Variants in PRAMEF15 observed in about 807,000 individuals in gnomAD.
PRAMEF15 encodes PRAME family member 9/15.
Under a neutral mutation model 35.3 loss-of-function variants are expected in PRAMEF15, and 21 were observed. The ratio of observed to expected loss-of-function variants is 0.59; its 90% CI spans 0.42 to 0.86. PRAMEF15 has a LOEUF of 0.86. PRAMEF15 is among the 40% of genes least tolerant of loss of function. The probability of loss-of-function intolerance (pLI) is 0.00; values close to 1 mark genes in which losing one functional copy is unlikely to be tolerated. For missense variants in PRAMEF15, 360 were observed against 574.1 expected (o/e 0.63, Z 3.81); for synonymous variants, 122 against 223.3 (o/e 0.55, Z 4.05).
At chr1:13,317,802 A>G (rs1395286792) in intron 1 of PRAMEF15, among the ~76,000 whole-genome samples, 203 of 146,392 alleles carry the variant, frequency 1.4e-3, no homozygotes, top group African/African-American at 5.4e-3. Context: ...AGAGAGAGAA[A>G]GAGAGAGAGA....
intron 1 of PRAMEF15, among the ~76,000 whole-genome samples, chr1:13,317,065 G>A (rs1290005957): frequency 9.6e-4 from 145 of 151,286 alleles, no homozygotes; most frequent in African/African-American, 2.7e-3. Flanking sequence ...AAGAAGTCTA[G>A]TCAAATGTAG....
chr1:13,317,418 T>C (rs1347470915), intron 1 of PRAMEF15, among the ~76,000 whole-genome samples: 1 of 151,802 alleles, frequency 6.6e-6, no homozygotes, highest in Non-Finnish European at 1.5e-5. Context: ...TGGAAACATC[T>C]ATCTTGCGAA....
chr1:13,319,133 G>A (rs1374072531), intron 2 of PRAMEF15, among the ~76,000 whole-genome samples: 1 of 151,394 alleles, frequency 6.6e-6, no homozygotes, highest in Non-Finnish European at 1.5e-5. Context: ...AGCAGAGGTT[G>A]CAGTGAGGTG....
chr1:13,321,665 T>C, intron 3 of PRAMEF15, 38 bp from the exon 4 acceptor site: 3 of 1,606,558 alleles, frequency 1.9e-6, no homozygotes, highest in Non-Finnish European at 1.7e-6. Flanking sequence ...CTCACCCCTA[T>C]GATTCCCCAG....
Position 13,319,704 on chromosome 1 carries a change from T to C in PRAMEF15, c.626T>C (p.Ile209Thr). 6.3e-7 allele frequency: 1 copy of C among 1,588,790 alleles called. No individual in the cohort carries two copies. Among genetic ancestry groups the C allele is most frequent in the South Asian group, 1.1e-5 (1 of 90,356 alleles). ...SILKMVNLDCIQEVEVNCKWV... is the reference protein window; with the variant it reads ...SILKMVNLDCTQEVEVNCKWV... ...CTGAAAATGGTGAACCTAGACTGTATCCAGGAGGTGGAAGTGAATTGCAAG... is the reference window on the plus strand; with the variant it reads ...CTGAAAATGGTGAACCTAGACTGTACCCAGGAGGTGGAAGTGAATTGCAAG... Residue 209 changes from isoleucine to threonine, a missense_variant, in exon 3 of 4, where the codon ATC (isoleucine) becomes ACC (threonine). Physicochemically the swap from Ile to Thr is moderately conservative, Grantham distance 89 (BLOSUM62 -1). Coordinates refer to ENST00000376152, the MANE Select transcript of PRAMEF15 (RefSeq NM_001098376.3).
chr1:13,316,409 AAG>A (rs1640003826), intron 1 of PRAMEF15, among the ~76,000 whole-genome samples: 5 of 151,628 alleles, frequency 3.3e-5, no homozygotes, highest in African/African-American at 1.2e-4. Flanking sequence ...GCCTGGGCAA[AAG>A]AGAGACACTC....
intron 1 of PRAMEF15, among the ~76,000 whole-genome samples, chr1:13,318,016 A>G (rs1640029238): frequency 6.6e-6 from 1 of 152,056 alleles, no homozygotes; most frequent in South Asian, 2.1e-4. Context: ...TATTTGTAGG[A>G]ACTGAAAATG....
At chr1:13,321,531 T>G (rs1640083243) in intron 3 of PRAMEF15, among the ~76,000 whole-genome samples, 172 bp from the exon 4 acceptor site, 1 of 152,002 alleles carries the variant, frequency 6.6e-6, no homozygotes, top group South Asian at 2.1e-4. Context: ...GGAATTGACC[T>G]CAGTGGCAAA....
intron 3 of PRAMEF15, 109 bp from the exon 4 acceptor site, chr1:13,321,594 C>T (rs1640084257): frequency 4.4e-6 from 6 of 1,374,402 alleles, no homozygotes; most frequent in Non-Finnish European, 6.1e-6. Flanking sequence ...TCAGAATGAC[C>T]CTGGACTTGG....
rs1640035172 is a variant in PRAMEF15, at chr1:13,318,476, A to G, written c.69A>G (p.Gln23=). ...CAGGGCGGAGCCTGCTGAGGGACCA[A>G]GCTTTGGCCATGTCCACCCTGGAGG... ...ELAGRSLLRD[Q]ALAMSTLEEL... The change falls in exon 2 of 4, where the codon CAA becomes CAG. Residue 23 remains glutamine, a synonymous_variant. Transcript: ENST00000376152. The G allele has an allele frequency of 2.5e-6, 4 of 1,614,092 alleles. No homozygotes were observed. The Admixed American group carries it at 5.0e-5, about 20-fold the overall frequency.
intron 2 of PRAMEF15, among the ~76,000 whole-genome samples, 186 bp from the exon 3 acceptor site, chr1:13,319,186 T>A (rs1386825346): frequency 6.7e-6 from 1 of 148,326 alleles, no homozygotes; most frequent in Non-Finnish European, 1.5e-5. Context: ...ACAGGGAGAC[T>A]TGGTCTCAAA....
chr1:13,320,498 G>A (rs1285416452), intron 3 of PRAMEF15, among the ~76,000 whole-genome samples: 5 of 152,148 alleles, frequency 3.3e-5, no homozygotes, highest in African/African-American at 9.6e-5. Context: ...ATCTCAGCTC[G>A]CAGCGACTTC....
chr1:13,322,067 C>G lies in PRAMEF15; in HGVS notation c.1240C>G (p.Leu414Val), dbSNP rs77435826. 6 of 1,609,860 alleles carry G rather than the reference C, an allele frequency of 3.7e-6. No individual in the cohort carries two copies. In the South Asian group the frequency reaches 4.4e-5, roughly 12 times the overall value. The change falls in exon 4 of 4, where the codon CTG (leucine) becomes GTG (valine). Residue 414 changes from leucine to valine, a missense_variant. Coordinates refer to ENST00000376152, the MANE Select transcript of PRAMEF15 (RefSeq NM_001098376.3). ...TIILKNLCVE[L>V]YPAPRESYGA... ...CATACTCAAAAACTTATGTGTGGAGCTGTATCCTGCCCCCCGAGAGAGTTA... is the reference window on the plus strand; with the variant it reads ...CATACTCAAAAACTTATGTGTGGAGGTGTATCCTGCCCCCCGAGAGAGTTA...
At chr1:13,317,981 G>T (rs1269024813) in intron 1 of PRAMEF15, among the ~76,000 whole-genome samples, 5 of 152,190 alleles carry the variant, frequency 3.3e-5, no homozygotes, top group Non-Finnish European at 5.9e-5. Context: ...TTCTAGGGAT[G>T]CCCCATGAAT....
chr1:13,321,489 A>G (rs1284628855), intron 3 of PRAMEF15, among the ~76,000 whole-genome samples: 2 of 151,886 alleles, frequency 1.3e-5, no homozygotes, highest in African/African-American at 2.4e-5. Context: ...TGCTGGGATT[A>G]CAGGTGTGAG....
intron 1 of PRAMEF15, among the ~76,000 whole-genome samples, chr1:13,317,424 G>T (rs1395393573): frequency 6.6e-6 from 1 of 151,812 alleles, no homozygotes; most frequent in African/African-American, 2.4e-5. Flanking sequence ...CATCTATCTT[G>T]CGAATGATGC....
chr1:13,316,190 G>T (rs1448374513), intron 1 of PRAMEF15, among the ~76,000 whole-genome samples: 2 of 151,682 alleles, frequency 1.3e-5, no homozygotes, highest in African/African-American at 2.4e-5. Flanking sequence ...TTTTAGTAGA[G>T]GTGGGGTTTC....
intron 1 of PRAMEF15, 98 bp downstream of exon 1, chr1:13,315,756 C>T (rs1639994345): frequency 6.7e-6 from 1 of 149,284 alleles, no homozygotes; most frequent in Admixed American, 6.6e-5. Context: ...GAGCTATATC[C>T]TGTCCTTTTT....
At chr1:13,320,829 C>A (rs1640074418) in intron 3 of PRAMEF15, among the ~76,000 whole-genome samples, 1 of 152,072 alleles carries the variant, frequency 6.6e-6, no homozygotes. Context: ...AGCTTTGTGC[C>A]CCACAGTTTT....
Sources: allele counts gnomAD v4.1 joint callset (sites outside exome capture counted in the v4.1 genomes callset), GRCh38; gene constraint gnomAD v4.1.1; transcripts MANE v1.5; gene names NCBI Gene and HGNC (gene_info 2026-07-23, HGNC 2026-07-21).